Variants in ZNF274 observed in about 807,000 individuals in gnomAD.
ZNF274 encodes zinc finger protein 274.
In ZNF274, 23 loss-of-function variants were observed where a neutral mutation model predicts 42.5. The ratio of observed to expected loss-of-function variants is 0.54; its 90% CI spans 0.39 to 0.77. The LOEUF (loss-of-function observed/expected upper bound fraction) is 0.77. Among genes scored for constraint, ZNF274 ranks in the 30% least tolerant of loss-of-function variants. The pLI, the probability that ZNF274 is intolerant of heterozygous loss-of-function variation, is 0.00. For missense variants in ZNF274, 679 were observed against 806.5 expected, an observed-to-expected ratio of 0.84 and a Z score of 1.91; for synonymous variants, 292 against 305.4, an observed-to-expected ratio of 0.96 and a Z score of 0.46.
chr19:58,185,752 C>T lies in ZNF274; in HGVS notation c.74C>T (p.Pro25Leu), dbSNP rs948782070. ...GAAGATGTAACACTGGGTTTTACCCCGGAAGAGTGGGGACTGCTGGACCTC... is the reference window on the plus strand; with the variant it reads ...GAAGATGTAACACTGGGTTTTACCCTGGAAGAGTGGGGACTGCTGGACCTC... ...TFEDVTLGFT[P>L]EEWGLLDLKQ... The change falls in exon 3 of 8, where the codon CCG becomes CTG. Residue 25 changes from proline to leucine, a missense_variant. Physicochemically the swap from Pro to Leu is moderately conservative, Grantham distance 98 (BLOSUM62 -3). This residue lies in a region of ZNF274 where 223 missense variants were observed against 216.4 expected (regional missense o/e 1.03). Transcript: ENST00000617501. 12 of 1,465,124 alleles carry T rather than the reference C, an allele frequency of 8.2e-6. No individual in the cohort carries two copies. The highest frequency in any genetic ancestry group is 5.2e-5 in the East Asian group (2 of 38,204). 90.8% of individuals were successfully genotyped at this position (1,465,124 alleles called of 1,614,324 possible). A position where few individuals can be genotyped will look rare whatever the true frequency, so the allele number is the denominator to read the frequency against.
intron 4 of ZNF274, among the ~76,000 whole-genome samples, chr19:58,203,404 C>G (rs1202709302): frequency 6.6e-6 from 1 of 151,952 alleles, no homozygotes; most frequent in Admixed American, 6.6e-5. Context: ...GCCAAGATGG[C>G]GAAACCCTGT....
chr19:58,212,532 C>A lies in ZNF274; in HGVS notation c.1351C>A (p.Arg451Ser). The A allele has an allele frequency of 1.2e-6, 2 of 1,613,900 alleles. No homozygotes were observed. Among genetic ancestry groups the A allele is most frequent in the Non-Finnish European group, 1.7e-6 (2 of 1,179,882 alleles). ...LHKIPPRKRL[R>S]KRDSQVKSMK... ...CAAAATTCCTCCTAGAAAACGATTG[C>A]GCAAACGTGACTCACAAGTTAAAAG... Residue 451 changes from arginine to serine, a missense_variant, in exon 8 of 8, where the codon CGC becomes AGC. By Grantham distance (110) the Arg-to-Ser change is moderately radical (BLOSUM62 -1). Coordinates refer to ENST00000617501, the MANE Select transcript of ZNF274 (RefSeq NM_133502.3). This position sits in a 1 kb window ranked among gnomAD's most constrained non-coding sequence, Gnocchi z 4.6.
At chr19:58,199,960 G>A (rs1474760622) in intron 4 of ZNF274, among the ~76,000 whole-genome samples, 1 of 152,174 alleles carries the variant, frequency 6.6e-6, no homozygotes, top group Non-Finnish European at 1.5e-5. Flanking sequence ...AGTCATTCTA[G>A]CCATCAACCT....
At chr19:58,194,267 G>T (rs576792977) in intron 4 of ZNF274, among the ~76,000 whole-genome samples, 1 of 152,108 alleles carries the variant, frequency 6.6e-6, no homozygotes, top group South Asian at 2.1e-4. Context: ...TGAGTTTTTG[G>T]CATTAGCCAA....
At chr19:58,201,280 G>A (rs1278921917) in intron 4 of ZNF274, among the ~76,000 whole-genome samples, 1 of 150,734 alleles carries the variant, frequency 6.6e-6, no homozygotes, top group Non-Finnish European at 1.5e-5. Flanking sequence ...CCAAGGTGCT[G>A]GGATTACAGG....
intron 4 of ZNF274, among the ~76,000 whole-genome samples, chr19:58,204,997 T>A (rs1432154506): frequency 6.6e-6 from 1 of 152,206 alleles, no homozygotes; most frequent in Non-Finnish European, 1.5e-5. Flanking sequence ...AAGGGTATAT[T>A]GGCAGTCATC....
chr19:58,199,591 G>A lies in ZNF274; in HGVS notation c.257-7129G>A, dbSNP rs551305906. ...CAAAAACTTAGCCGGGCGTGGTGGCGTGCACCTGTAATTCGGGAGGCTGAG... is the reference window on the plus strand; with the variant it reads ...CAAAAACTTAGCCGGGCGTGGTGGCATGCACCTGTAATTCGGGAGGCTGAG... On this transcript the variant is annotated intron_variant, in intron 4 of 7. Transcript: ENST00000617501. 5.3e-5 allele frequency among the ~76,000 whole-genome samples: 8 copies of A among 152,196 alleles called. No individual in the cohort carries two copies. In the South Asian group the frequency reaches 1.5e-3, roughly 28 times the overall value.
chr19:58,193,392 T>C (rs1487119699), intron 4 of ZNF274, among the ~76,000 whole-genome samples: 2 of 149,684 alleles, frequency 1.3e-5, no homozygotes, highest in South Asian at 2.1e-4. Context: ...ATGATCTGCC[T>C]GCCTTGGCCT....
At chr19:58,183,779 C>T (rs2075660748) in intron 1 of ZNF274, 142 bp from the exon 2 acceptor site, 1 of 604,472 alleles carries the variant, frequency 1.7e-6, no homozygotes, top group Middle Eastern at 4.1e-4. Flanking sequence ...CTGTGGGAGT[C>T]CTATGACTCA....
intron 4 of ZNF274, among the ~76,000 whole-genome samples, chr19:58,191,764 C>T (rs1011983513): frequency 1.3e-5 from 2 of 152,182 alleles, no homozygotes; most frequent in Non-Finnish European, 2.9e-5. Context: ...TCTGCTCTGT[C>T]ACAGAAAGAG....
intron 4 of ZNF274, among the ~76,000 whole-genome samples, chr19:58,205,761 C>T (rs941550698): frequency 5.9e-5 from 9 of 152,184 alleles, no homozygotes; most frequent in African/African-American, 2.2e-4. Flanking sequence ...CTCTTGTGGA[C>T]TCTGTGCCAG....
In ZNF274 at chr19:58,211,333, C is replaced by T; in HGVS notation, c.853-227C>T. ...AGTTGTTTGCTTGTTGCACTTGGAG[C>T]TCTTTATGAAGCAAGGGCTCTGCCT... On this transcript the variant is annotated intron_variant, in intron 6 of 7. Coordinates refer to ENST00000617501, the MANE Select transcript of ZNF274 (RefSeq NM_133502.3). This position sits in a 1 kb window ranked among gnomAD's most constrained non-coding sequence, Gnocchi z 4.8. The T allele has an allele frequency of 6.9e-6, 3 of 434,064 alleles. No homozygotes were observed. 26.9% of individuals were successfully genotyped at this position (434,064 alleles called of 1,614,324 possible).
At chr19:58,190,683 T>C (rs12977863) in intron 4 of ZNF274, among the ~76,000 whole-genome samples, 28,840 of 152,224 alleles carry the variant, frequency 0.19, 3,546 homozygotes, top group Middle Eastern at 0.36. Context: ...TAAAGGGTTT[T>C]TGTGTCAGTA....
intron 4 of ZNF274, among the ~76,000 whole-genome samples, chr19:58,188,620 A>AATATATATATAT (rs60934983): frequency 7.1e-5 from 5 of 70,396 alleles, no homozygotes; most frequent in African/African-American, 3.9e-4. Flanking sequence ...AAAAAAAAAA[A>AATATATATATAT]ATATATATAT....
chr19:58,194,381 T>TC (rs1173501747), intron 4 of ZNF274, among the ~76,000 whole-genome samples: 4 of 136,412 alleles, frequency 2.9e-5, no homozygotes, highest in African/African-American at 5.5e-5. Flanking sequence ...CTTTTTTTTT[T>TC]TTTTTTTTTT....
Position 58,206,887 on chromosome 19 carries a change from G to T in ZNF274, c.424G>T (p.Ala142Ser), listed in dbSNP as rs766401665. 8.7e-6 allele frequency: 14 copies of T among 1,613,248 alleles called. No homozygotes were observed. In the East Asian group the frequency reaches 1.1e-4, roughly 13 times the overall value. Residue 142 changes from alanine to serine, a missense_variant, in exon 5 of 8, where the codon GCC becomes TCC. Ala to Ser is a moderately conservative substitution (Grantham distance 99). Around this residue, in one of 2 missense-constraint regions of ZNF274, gnomAD observed 223 missense variants for 216.4 expected, o/e 1.03. Transcript: ENST00000617501. ...TGAAGATGGAAGCCTGAGTGCAGAT[G>T]CCCCCAGTGAGCAGGTCCAACAGCA... The part of the protein sequence containing the change: ...YAEDGSLSAD[A>S]PSEQVQQQGK...
At chr19:58,188,411 G>A (rs1338197023) in intron 4 of ZNF274, among the ~76,000 whole-genome samples, 2 of 149,842 alleles carry the variant, frequency 1.3e-5, no homozygotes, top group Non-Finnish European at 3.0e-5. Context: ...ATTTGAAGTC[G>A]GGAGTTTGAG....
intron 6 of ZNF274, chr19:58,210,831 C>G (rs2076031985): frequency 6.6e-6 from 1 of 152,474 alleles, no homozygotes; most frequent in African/African-American, 2.4e-5. Flanking sequence ...TCTCCTGTCT[C>G]AGCCTCCTGA....
At chr19:58,201,007 G>A (rs2075903314) in intron 4 of ZNF274, among the ~76,000 whole-genome samples, 1 of 150,128 alleles carries the variant, frequency 6.7e-6, no homozygotes, top group African/African-American at 2.5e-5. Flanking sequence ...TTGTTTGTTT[G>A]TTTTGTTTTT....
Sources: gnomAD v4.1 joint callset for allele counts (sites outside exome capture counted in the v4.1 genomes callset) on GRCh38, gnomAD v4.1.1 for gene constraint, gnomAD v4.1.1 regional missense constraint, Gnocchi (gnomAD v3.1) non-coding constraint, MANE v1.5 for transcripts, NCBI Gene and HGNC (gene_info 2026-07-23, HGNC 2026-07-21) for gene names.